RASGRP1: variants seen among roughly 807,000 people sequenced by gnomAD.
RASGRP1 encodes the protein RAS guanyl releasing protein 1.
RASGRP1 carries 37 observed loss-of-function variants against 95.1 expected under a neutral mutation model. The ratio of observed to expected loss-of-function variants is 0.39; its 90% CI spans 0.30 to 0.51. The LOEUF is 0.51. Ranked by LOEUF, RASGRP1 falls within the 20% of genes least tolerant of loss-of-function variation. The pLI, the probability that RASGRP1 is intolerant of heterozygous loss-of-function variation, is 0.80. For missense variants in RASGRP1, 711 were observed against 965.4 expected, an observed-to-expected ratio of 0.74 and a Z score of 3.49; for synonymous variants, 325 against 353.4, an observed-to-expected ratio of 0.92 and a Z score of 0.90.
At chr15:38,546,915 C>CGA (rs1397906469) in intron 2 of RASGRP1, among the ~76,000 whole-genome samples, 4 of 152,132 alleles carry the variant, frequency 2.6e-5, no homozygotes, top group Non-Finnish European at 4.4e-5. Context: ...AACTTAAGTG[C>CGA]GAGACTTTAC....
chr15:38,564,723 C>A lies in RASGRP1; in HGVS notation c.-95G>T. ...ACCGCCGCCGCCTGCCGGCTCTCTCCCCCCCGGGCCTCGTAGCCCCGGCGC... is the reference window on the plus strand; with the variant it reads ...ACCGCCGCCGCCTGCCGGCTCTCTCACCCCCGGGCCTCGTAGCCCCGGCGC... On this transcript the variant is annotated 5_prime_UTR_variant, in exon 1 of 17. Coordinates refer to ENST00000310803, the MANE Select transcript of RASGRP1 (RefSeq NM_005739.4). 1 of 1,061,912 alleles carries A rather than the reference C, an allele frequency of 9.4e-7. No homozygotes were observed. Among genetic ancestry groups the A allele is most frequent in the African/African-American group, 1.7e-5 (1 of 59,600 alleles). The allele number at this position is 1,061,912 out of a possible 1,614,324, so 65.8% of individuals were successfully genotyped here.
At chr15:38,498,986 T>C in intron 14 of RASGRP1, 40 bp from the exon 15 acceptor site, 1 of 1,613,590 alleles carries the variant, frequency 6.2e-7, no homozygotes, top group Non-Finnish European at 8.5e-7. Context: ...TCTTTCACTT[T>C]TCTCTCTTCC....
intron 2 of RASGRP1, among the ~76,000 whole-genome samples, chr15:38,545,802 A>G (rs560066308): frequency 6.6e-6 from 1 of 152,324 alleles, no homozygotes; most frequent in Admixed American, 6.5e-5. Flanking sequence ...CCTGTGTTTT[A>G]GATATATGAA....
chr15:38,506,957 C>G (rs918103399), intron 9 of RASGRP1, among the ~76,000 whole-genome samples: 1 of 152,160 alleles, frequency 6.6e-6, no homozygotes, highest in Non-Finnish European at 1.5e-5. Context: ...GGATCACACA[C>G]CAGCTGATGT....
intron 2 of RASGRP1, among the ~76,000 whole-genome samples, chr15:38,547,131 G>A (rs946409851): frequency 1.3e-5 from 2 of 152,196 alleles, no homozygotes; most frequent in Non-Finnish European, 2.9e-5. Flanking sequence ...TACACTTTGA[G>A]TACGACTATA....
In RASGRP1 at chr15:38,500,142, A is replaced by C; in HGVS notation, c.1684-3T>G. The C allele has an allele frequency of 6.2e-7, 1 of 1,613,100 alleles. No individual in the cohort carries two copies. The highest frequency in any genetic ancestry group is 8.5e-7 in the Non-Finnish European group (1 of 1,179,622). On this transcript the variant is annotated splice_region_variant and splice_polypyrimidine_tract_variant and intron_variant, in intron 13 of 16. Coordinates refer to ENST00000310803, the MANE Select transcript of RASGRP1 (RefSeq NM_005739.4). ...CCTTGTTTGATCACTCCCCAGAGCTATGAAACAAGAGACAGAATGCACCAC... is the reference window on the plus strand; with the variant it reads ...CCTTGTTTGATCACTCCCCAGAGCTCTGAAACAAGAGACAGAATGCACCAC...
At chr15:38,502,663 A>G (rs1397815864) in intron 11 of RASGRP1, among the ~76,000 whole-genome samples, 10 of 152,268 alleles carry the variant, frequency 6.6e-5, no homozygotes, top group Admixed American at 1.3e-4. Context: ...CAATTATACT[A>G]TCACGCTGGC....
intron 1 of RASGRP1, chr15:38,560,327 T>G (rs1181944703): frequency 2.1e-5 from 7 of 331,384 alleles, no homozygotes; most frequent in African/African-American, 8.4e-5. Flanking sequence ...CAGCAATGTA[T>G]ACATTTTTTC....
At position 38,519,218 on chromosome 15, in the gene RASGRP1, A is replaced by T. The variant is rs1461879432; in HGVS notation, c.389+91T>A. ...TTTTCCATCTGTCCAAAGGTGTTCTATAGAGGTCAGGAAAGGCAGGGAAAG... is the reference window on the plus strand; with the variant it reads ...TTTTCCATCTGTCCAAAGGTGTTCTTTAGAGGTCAGGAAAGGCAGGGAAAG... On this transcript the variant is annotated intron_variant, in intron 4 of 16. Transcript: ENST00000310803. 5 of 1,051,150 alleles carry T rather than the reference A, an allele frequency of 4.8e-6. No homozygotes were observed. The East Asian group carries it at 1.2e-4, about 25-fold the overall frequency. The allele number at this position is 1,051,150 out of a possible 1,614,324, so 65.1% of individuals were successfully genotyped here. A position where few individuals can be genotyped will look rare whatever the true frequency, so the allele number is the denominator to read the frequency against.
At chr15:38,509,126 TCC>T (rs1891389987) in intron 8 of RASGRP1, among the ~76,000 whole-genome samples, 1 of 152,212 alleles carries the variant, frequency 6.6e-6, no homozygotes, top group African/African-American at 2.4e-5. Flanking sequence ...TAGATGAAAT[TCC>T]TTCTTACTTA....
At position 38,525,209 on chromosome 15, in the gene RASGRP1, C is replaced by CT. The variant is rs1892169586; in HGVS notation, c.326+1089dup. ...TCTCAAACTCCTGACCTTAAGTGATCTGCCCACTTTGGCCTTCCAAAGTGC... is the reference window on the plus strand; with the variant it reads ...TCTCAAACTCCTGACCTTAAGTGATCTTGCCCACTTTGGCCTTCCAAAGTGC... On this transcript the variant is annotated intron_variant, in intron 3 of 16. Transcript: ENST00000310803. Among the ~76,000 whole-genome samples the CT allele has an allele frequency of 2.0e-5, 3 of 152,254 alleles. 1 individual carries two copies. In the South Asian group the frequency reaches 6.2e-4, roughly 32 times the overall value.
chr15:38,512,753 C>T, intron 7 of RASGRP1, 30 bp downstream of exon 7: 1 of 1,612,312 alleles, frequency 6.2e-7, no homozygotes, highest in South Asian at 1.1e-5. Context: ...CCTTATAGCC[C>T]AAGCCAAATG....
intron 8 of RASGRP1, among the ~76,000 whole-genome samples, chr15:38,509,452 C>A (rs147567270): frequency 1.3e-5 from 2 of 152,254 alleles, no homozygotes; most frequent in East Asian, 3.9e-4. Context: ...ATTGGCCAGG[C>A]GTGGTGGTTC....
chr15:38,537,182 C>G lies in RASGRP1; in HGVS notation c.221-10778G>C, dbSNP rs374277846. ...ACTGTGCCAGCGAGACTGGACCCCT[C>G]AAGCATGGGGTCCTCCTTGGCAGTT... On this transcript the variant is annotated intron_variant, in intron 2 of 16. Transcript: ENST00000310803. Among the ~76,000 whole-genome samples the G allele has an allele frequency of 3.3e-5, 5 of 152,284 alleles. No individual in the cohort carries two copies. In the East Asian group the frequency reaches 7.7e-4, roughly 23 times the overall value.
chr15:38,561,242 A>C (rs574318957), intron 1 of RASGRP1, among the ~76,000 whole-genome samples: 2 of 152,386 alleles, frequency 1.3e-5, no homozygotes, highest in African/African-American at 4.8e-5. Flanking sequence ...TGGCCAGAGA[A>C]GACCACAGCG....
intron 2 of RASGRP1, among the ~76,000 whole-genome samples, chr15:38,545,466 C>T (rs1893070156): frequency 6.6e-6 from 1 of 151,948 alleles, no homozygotes. Flanking sequence ...TGACTCCAAC[C>T]CTGTGGCCAC....
chr15:38,561,737 C>T (rs1198765662), intron 1 of RASGRP1, among the ~76,000 whole-genome samples: 1 of 152,184 alleles, frequency 6.6e-6, no homozygotes, highest in Non-Finnish European at 1.5e-5. Flanking sequence ...TCCAGTGAAA[C>T]TGAATCAACA....
intron 1 of RASGRP1, among the ~76,000 whole-genome samples, chr15:38,561,723 C>G (rs1210546936): frequency 2.0e-5 from 3 of 152,184 alleles, no homozygotes; most frequent in African/African-American, 7.2e-5. Flanking sequence ...TGACCTGATG[C>G]AGGTCCAGTG....
intron 2 of RASGRP1, among the ~76,000 whole-genome samples, chr15:38,555,897 G>A (rs1464515895): frequency 6.6e-6 from 1 of 152,132 alleles, no homozygotes; most frequent in East Asian, 1.9e-4. Flanking sequence ...TTCTGAGGCA[G>A]GTGTGCAGTT....
Sources: allele counts gnomAD v4.1 joint callset (sites outside exome capture counted in the v4.1 genomes callset), GRCh38; gene constraint gnomAD v4.1.1; transcripts MANE v1.5; gene names NCBI Gene and HGNC (gene_info 2026-07-23, HGNC 2026-07-21).